PGCKA1: variants seen among roughly 807,000 people sequenced by gnomAD.
PGCKA1 encodes PDCD10 and GCKIII kinases associated 1.
At chr4:37,582,438 T>G in the PGCKA1 span, among the ~76,000 whole-genome samples, 191 of 152,326 alleles carry the variant, frequency 1.3e-3, 1 homozygote, top group African/African-American at 4.4e-3. Flanking sequence ...GATTACCTAA[T>G]CTACAGACCT....
At chr4:37,477,193 A>G in the PGCKA1 span, among the ~76,000 whole-genome samples, 1 of 152,252 alleles carries the variant, frequency 6.6e-6, no homozygotes, top group African/African-American at 2.4e-5. Context: ...ACATCCATAG[A>G]GTAGACTATT....
chr4:37,490,507 T>C, the PGCKA1 span, among the ~76,000 whole-genome samples: 1 of 152,114 alleles, frequency 6.6e-6, no homozygotes, highest in Non-Finnish European at 1.5e-5. Flanking sequence ...GTTTCCTTTC[T>C]TTGTCCCCTG....
chr4:37,588,902 A>T, the PGCKA1 span: 2 of 1,610,624 alleles, frequency 1.2e-6, no homozygotes, highest in Non-Finnish European at 1.7e-6. Flanking sequence ...ATACAAAGGT[A>T]AAGCTGGAGA....
At chr4:37,536,545 C>T in the PGCKA1 span, among the ~76,000 whole-genome samples, 3 of 152,028 alleles carry the variant, frequency 2.0e-5, no homozygotes, top group East Asian at 1.9e-4. Flanking sequence ...TGTCTCTTGG[C>T]GGGTCTGAAA....
chr4:37,549,174 T>A, the PGCKA1 span, among the ~76,000 whole-genome samples: 9 of 152,204 alleles, frequency 5.9e-5, no homozygotes, highest in Non-Finnish European at 1.3e-4. Flanking sequence ...TGCGATGAGC[T>A]TAAGAATTTT....
the PGCKA1 span, among the ~76,000 whole-genome samples, chr4:37,547,975 T>TA: frequency 8.2e-5 from 9 of 109,772 alleles, no homozygotes; most frequent in East Asian, 2.6e-3. Flanking sequence ...AAAGTTCTCT[T>TA]TAAAAAAAAA....
At chr4:37,512,266 AG>A in the PGCKA1 span, among the ~76,000 whole-genome samples, 77,932 of 151,774 alleles carry the variant, frequency 0.51, 20,386 homozygotes, top group African/African-American at 0.6. Flanking sequence ...GTGTTCCTGT[AG>A]GGGATGACCA....
At chr4:37,552,227 G>A in the PGCKA1 span, among the ~76,000 whole-genome samples, 1 of 152,210 alleles carries the variant, frequency 6.6e-6, no homozygotes, top group Non-Finnish European at 1.5e-5. Flanking sequence ...CTGCTGTGTT[G>A]TGTTTCACTC....
the PGCKA1 span, chr4:37,588,389 C>G: frequency 3.8e-5 from 6 of 157,520 alleles, no homozygotes; most frequent in Non-Finnish European, 8.4e-5. Flanking sequence ...ATTCCGGCAT[C>G]CTTTAACTCT....
the PGCKA1 span, among the ~76,000 whole-genome samples, chr4:37,589,535 T>G: frequency 6.6e-6 from 1 of 152,210 alleles, no homozygotes; most frequent in Non-Finnish European, 1.5e-5. Context: ...GTTTTATTTG[T>G]TTTTTATTTT....
At chr4:37,509,631 T>C in the PGCKA1 span, among the ~76,000 whole-genome samples, 2 of 151,286 alleles carry the variant, frequency 1.3e-5, no homozygotes, top group South Asian at 2.1e-4. Context: ...GTGGAGGTTG[T>C]AGCGAGCCGA....
the PGCKA1 span, among the ~76,000 whole-genome samples, chr4:37,465,205 C>A: frequency 0.028 from 4,281 of 151,828 alleles, 92 homozygotes; most frequent in Non-Finnish European, 0.039. Context: ...AGGGCCCATT[C>A]CAATTAGTGA....
the PGCKA1 span, among the ~76,000 whole-genome samples, chr4:37,492,076 C>T: frequency 1.1e-4 from 15 of 130,824 alleles, no homozygotes; most frequent in East Asian, 9.8e-4. This position sits in a 1 kb window ranked among gnomAD's most constrained non-coding sequence, Gnocchi z 4.7. Context: ...GAGTCTTGCT[C>T]TTTCTACCAG....
chr4:37,460,931 A>G, the PGCKA1 span: 2 of 383,382 alleles, frequency 5.2e-6, no homozygotes, highest in Non-Finnish European at 1.0e-5. Flanking sequence ...CCTGAGTGGT[A>G]TTGCCTAGAT....
chr4:37,554,066 G>C, the PGCKA1 span, among the ~76,000 whole-genome samples: 5 of 152,156 alleles, frequency 3.3e-5, no homozygotes, highest in African/African-American at 1.2e-4. Flanking sequence ...GAATCATGGG[G>C]GTGGGTTTTT....
chr4:37,569,903 T>A, the PGCKA1 span, among the ~76,000 whole-genome samples: 2 of 151,308 alleles, frequency 1.3e-5, no homozygotes, highest in Non-Finnish European at 2.9e-5. Context: ...AACACTTCTA[T>A]CCCAGCACAC....
the PGCKA1 span, among the ~76,000 whole-genome samples, chr4:37,491,814 A>G: frequency 3.3e-5 from 5 of 151,872 alleles, no homozygotes; most frequent in Non-Finnish European, 7.4e-5. Flanking sequence ...GAATTATTGG[A>G]TTATCTGCCT....
chr4:37,497,303 T>C, the PGCKA1 span, among the ~76,000 whole-genome samples: 1 of 152,202 alleles, frequency 6.6e-6, no homozygotes, highest in African/African-American at 2.4e-5. Context: ...ATCATATATA[T>C]ATATACCACA....
At chr4:37,577,867 C>G in the PGCKA1 span, among the ~76,000 whole-genome samples, 1 of 152,068 alleles carries the variant, frequency 6.6e-6, no homozygotes, top group Non-Finnish European at 1.5e-5. Context: ...CAAAATTCCT[C>G]TTGGTATTGA....
Sources: gnomAD v4.1 joint callset for allele counts (sites outside exome capture counted in the v4.1 genomes callset) on GRCh38, gnomAD v4.1.1 for gene constraint, Gnocchi (gnomAD v3.1) non-coding constraint, MANE v1.5 for transcripts, NCBI Gene and HGNC (gene_info 2026-07-23, HGNC 2026-07-21) for gene names.